The following PAWR variants were observed in gnomAD, a reference collection of about 807,000 sequenced individuals.
The protein encoded by PAWR is PRKC apoptosis WT1 regulator protein.
In PAWR, 23 loss-of-function variants were observed where a neutral mutation model predicts 32.0. That is an observed-to-expected ratio of 0.72 (90% CI 0.52 to 1.02). PAWR has a LOEUF of 1.02. Among genes scored for constraint, PAWR ranks in the 50% least tolerant of loss-of-function variants. PAWR has a pLI of 0.00. For synonymous variants in PAWR, 226 were observed against 187.1 expected (o/e 1.21, Z -1.70); for missense variants, 457 against 437.7 (o/e 1.04, Z -0.39).
chr12:79,689,812 T>G lies in PAWR; in HGVS notation c.433A>C (p.Arg145=), dbSNP rs1346842750. The G allele has an allele frequency of 1.3e-6, 2 of 1,595,160 alleles. No homozygotes were observed. The highest frequency in any genetic ancestry group is 3.4e-5 in the Admixed American group (2 of 58,192). The part of the protein sequence containing the change: ...EKGKSSGPSA[R]KGKGQIEKRK... Reference sequence around the variant, plus strand: ...TTCTCGATCTGCCCCTTGCCTTTCCTGGCACTGGGGCCCGAGCTCTTGCCC... The same window carrying G: ...TTCTCGATCTGCCCCTTGCCTTTCCGGGCACTGGGGCCCGAGCTCTTGCCC... Residue 145 remains arginine (R), a synonymous_variant, in exon 2 of 7, where the codon AGG becomes CGG. Transcript: ENST00000328827.
At chr12:79,617,545 A>C (rs927627820) in intron 3 of PAWR, among the ~76,000 whole-genome samples, 3 of 151,558 alleles carry the variant, frequency 2.0e-5, no homozygotes, top group African/African-American at 7.3e-5. Context: ...TAAATTAGAA[A>C]TGTTAGGTTA....
rs148099698 is a variant in PAWR at position 79,653,057 on chromosome 12, T to G, written c.517-31850A>C. Among the ~76,000 whole-genome samples, 696 of 152,346 alleles carry G rather than the reference T, an allele frequency of 4.6e-3. 12 individuals are homozygous for G. Among genetic ancestry groups the G allele is most frequent in the African/African-American group, 0.014 (592 of 41,578 alleles). Reference sequence around the variant, plus strand: ...TGTTTTTTTATTTGTTTGTTTGTTTTTTTGAGACAGAGTCTCGCTGTTGTT... The same window carrying G: ...TGTTTTTTTATTTGTTTGTTTGTTTGTTTGAGACAGAGTCTCGCTGTTGTT... On this transcript the variant is annotated intron_variant, in intron 2 of 6. Coordinates refer to ENST00000328827, the MANE Select transcript of PAWR (RefSeq NM_002583.4).
intron 2 of PAWR, among the ~76,000 whole-genome samples, chr12:79,638,569 T>C (rs1167874067): frequency 6.6e-6 from 1 of 151,916 alleles, no homozygotes; most frequent in Non-Finnish European, 1.5e-5. Flanking sequence ...CATATTTAAT[T>C]TGTTGTGTAG....
chr12:79,610,798 A>G (rs1399377317), intron 4 of PAWR, among the ~76,000 whole-genome samples: 1 of 144,984 alleles, frequency 6.9e-6, no homozygotes, highest in Non-Finnish European at 1.5e-5. Context: ...TTACACATTG[A>G]AAAAAAAAAA....
At chr12:79,632,349 A>ATG (rs1875733518) in intron 2 of PAWR, among the ~76,000 whole-genome samples, 2 of 33,602 alleles carry the variant, frequency 6.0e-5, no homozygotes, top group Admixed American at 4.0e-4. Context: ...ATATATATAT[A>ATG]TATATATATA....
intron 2 of PAWR, among the ~76,000 whole-genome samples, chr12:79,681,834 T>C (rs1187306541): frequency 6.6e-6 from 1 of 152,244 alleles, no homozygotes; most frequent in Non-Finnish European, 1.5e-5. Flanking sequence ...TCTTTGATTA[T>C]TTCAGCTAAT....
At chr12:79,668,537 G>A (rs546722042) in intron 2 of PAWR, 1 of 152,384 alleles carries the variant, frequency 6.6e-6, no homozygotes, top group African/African-American at 2.4e-5. Context: ...GGATAATGGG[G>A]AGGATGGTTT....
chr12:79,664,479 A>T (rs1877503188), intron 2 of PAWR, among the ~76,000 whole-genome samples: 1 of 152,146 alleles, frequency 6.6e-6, no homozygotes, highest in African/African-American at 2.4e-5. Flanking sequence ...TTTATACTAA[A>T]CCTATATTTA....
chr12:79,634,962 A>C (rs897796687), intron 2 of PAWR, among the ~76,000 whole-genome samples: 1 of 152,140 alleles, frequency 6.6e-6, no homozygotes, highest in Non-Finnish European at 1.5e-5. Context: ...CACTAACAGC[A>C]GACCCAGCTT....
In PAWR at chr12:79,632,908, C is replaced by T. The variant is rs183713505; in HGVS notation, c.517-11701G>A. On this transcript the variant is annotated intron_variant, in intron 2 of 6. Transcript: ENST00000328827. Reference sequence around the variant, plus strand: ...CGGCACTTTGGGAGGCTGAGGTGGGCGGATCACTTGAGGCCAGGAGTTCGA... The same window carrying T: ...CGGCACTTTGGGAGGCTGAGGTGGGTGGATCACTTGAGGCCAGGAGTTCGA... 5.6e-4 allele frequency among the ~76,000 whole-genome samples: 85 copies of T among 151,960 alleles called. 1 individual carries two copies. In the South Asian group the frequency reaches 7.5e-3, roughly 13 times the overall value.
rs775684294 is a variant in PAWR at position 79,592,559 on chromosome 12, T to C, written c.*48A>G. 1.5e-5 allele frequency: 11 copies of C among 738,576 alleles called. No individual in the cohort carries two copies. In the African/African-American group the frequency reaches 1.8e-4, roughly 12 times the overall value. 45.8% of individuals were successfully genotyped at this position (738,576 alleles called of 1,614,324 possible). The stretch of plus-strand genomic sequence containing the variant: ...ATTGTGCTAGCATTGACCATTAACA[T>C]TCAATCAGTAGTTTAAAATATTTTT... On this transcript the variant is annotated 3_prime_UTR_variant, in exon 7 of 7. Transcript: ENST00000328827.
At chr12:79,624,749 G>A (rs1273006167) in intron 2 of PAWR, among the ~76,000 whole-genome samples, 3 of 152,150 alleles carry the variant, frequency 2.0e-5, no homozygotes, top group African/African-American at 7.2e-5. Context: ...ATACTTAAGA[G>A]AAGTGGATTC....
intron 2 of PAWR, among the ~76,000 whole-genome samples, chr12:79,636,234 C>T (rs1875956022): frequency 6.6e-6 from 1 of 152,046 alleles, no homozygotes; most frequent in South Asian, 2.1e-4. Context: ...CATCTCATGG[C>T]AGCTTTTTCC....
intron 4 of PAWR, among the ~76,000 whole-genome samples, chr12:79,612,304 G>A (rs8176889): frequency 1.7e-3 from 266 of 152,116 alleles, no homozygotes; most frequent in Non-Finnish European, 2.8e-3. Context: ...CTACTCTTCT[G>A]ATTATCTTGG....
rs139373030 is a variant in PAWR, at chr12:79,601,915, T to G, written c.684-5257A>C. Among the ~76,000 whole-genome samples, 10 of 152,286 alleles carry G rather than the reference T, an allele frequency of 6.6e-5. No individual in the cohort carries two copies. The East Asian group carries it at 7.7e-4, about 12-fold the overall frequency. On this transcript the variant is annotated intron_variant, in intron 4 of 6. Coordinates refer to ENST00000328827, the MANE Select transcript of PAWR (RefSeq NM_002583.4). ...TTAAAACCTCAAAATCAGCGTAATTTTTCTTAATTCATGAGAACAGATTTG... is the reference window on the plus strand; with the variant it reads ...TTAAAACCTCAAAATCAGCGTAATTGTTCTTAATTCATGAGAACAGATTTG...
At chr12:79,594,229 C>T (rs541380376) in intron 6 of PAWR, 100 bp downstream of exon 6, 3 of 566,494 alleles carry the variant, frequency 5.3e-6, no homozygotes, top group South Asian at 2.5e-5. Context: ...AACAAAAGAA[C>T]AAAGTGAATA....
intron 2 of PAWR, among the ~76,000 whole-genome samples, chr12:79,633,126 AAAAC>A (rs555028026): frequency 5.5e-4 from 84 of 152,266 alleles, no homozygotes; most frequent in Non-Finnish European, 9.0e-4. Flanking sequence ...CTCTGTCTCA[AAAAC>A]AAACAAACAA....
intron 3 of PAWR, among the ~76,000 whole-genome samples, chr12:79,619,156 A>C (rs1282780099): frequency 6.6e-6 from 1 of 152,142 alleles, no homozygotes; most frequent in Admixed American, 6.5e-5. Context: ...AGCATGATGA[A>C]ACTTGGTGCT....
intron 2 of PAWR, among the ~76,000 whole-genome samples, chr12:79,648,908 G>A (rs1288537068): frequency 1.3e-5 from 2 of 152,102 alleles, no homozygotes; most frequent in Non-Finnish European, 2.9e-5. Context: ...TGAAACTGTA[G>A]GGAGACTCTG....
Sources: allele counts gnomAD v4.1 joint callset (sites outside exome capture counted in the v4.1 genomes callset), GRCh38; gene constraint gnomAD v4.1.1; transcripts MANE v1.5; gene names NCBI Gene and HGNC (gene_info 2026-07-23, HGNC 2026-07-21).